ASIC2: variants seen among roughly 807,000 people sequenced by gnomAD.
ASIC2 encodes acid-sensing ion channel 2.
A neutral mutation model predicts 57.3 loss-of-function variants in ASIC2; 25 were observed. That is an observed-to-expected ratio of 0.44 (90% CI 0.32 to 0.61). The LOEUF is 0.61. Among genes scored for constraint, ASIC2 ranks in the 20% least tolerant of loss-of-function variants. ASIC2 has a pLI of 0.06. For missense variants in ASIC2, 641 were observed against 738.1 expected (o/e 0.87, Z 1.52); for synonymous variants, 319 against 307.5 (o/e 1.04, Z -0.39).
intron 1 of ASIC2, among the ~76,000 whole-genome samples, chr17:33,573,304 T>C (rs1312734804): frequency 1.3e-5 from 2 of 152,192 alleles, no homozygotes; most frequent in East Asian, 1.9e-4. Context: ...TATTTATAAG[T>C]ATATAAAATA....
intron 3 of ASIC2, among the ~76,000 whole-genome samples, chr17:33,058,092 T>C (rs1157638138): frequency 6.6e-6 from 1 of 152,138 alleles, no homozygotes; most frequent in East Asian, 1.9e-4. Flanking sequence ...GCCATGAAAG[T>C]CCCTGTACCA....
At chr17:33,625,087 G>A (rs1415122779) in intron 1 of ASIC2, among the ~76,000 whole-genome samples, 1 of 152,138 alleles carries the variant, frequency 6.6e-6, no homozygotes, top group African/African-American at 2.4e-5. Context: ...AAGGTGGTAT[G>A]CCATTCTGAG....
intron 1 of ASIC2, among the ~76,000 whole-genome samples, chr17:33,620,240 G>GAAA (rs35560840): frequency 0.026 from 1,958 of 74,732 alleles, 71 homozygotes; most frequent in African/African-American, 0.071. Context: ...AGAGGAAAAT[G>GAAA]AAAAAAAAAA....
chr17:33,775,555 TA>T lies in ASIC2; in HGVS notation c.555+380422del, dbSNP rs1241893287. ...TGAGATCTAAAATCTGTGTGGGAGT[TA>T]AGCAGGTATCTACAGCAGGGTCCCA... On this transcript the variant is annotated intron_variant, in intron 1 of 9. Transcript: ENST00000359872. 7.2e-5 allele frequency among the ~76,000 whole-genome samples: 11 copies of T among 152,294 alleles called. No homozygotes were observed. The South Asian group carries it at 1.9e-3, about 26-fold the overall frequency.
intron 1 of ASIC2, among the ~76,000 whole-genome samples, chr17:33,754,150 AG>A (rs1210279287): frequency 6.6e-6 from 1 of 152,064 alleles, no homozygotes; most frequent in Non-Finnish European, 1.5e-5. Flanking sequence ...TTTATGGGGT[AG>A]GTTGTCTGAA....
chr17:33,991,939 A>G (rs1482351416), intron 1 of ASIC2, among the ~76,000 whole-genome samples: 3 of 152,132 alleles, frequency 2.0e-5, no homozygotes, highest in African/African-American at 7.2e-5. Context: ...TCCTCATATT[A>G]GTATATTAAT....
intron 1 of ASIC2, among the ~76,000 whole-genome samples, chr17:34,102,353 T>A (rs1910897492): frequency 6.6e-6 from 1 of 151,684 alleles, no homozygotes; most frequent in Admixed American, 6.6e-5. Context: ...TAAATAAAAA[T>A]AAAATAAAAT....
At chr17:33,145,660 C>A (rs1002262511) in intron 1 of ASIC2, among the ~76,000 whole-genome samples, 2 of 152,202 alleles carry the variant, frequency 1.3e-5, no homozygotes, top group African/African-American at 4.8e-5. Flanking sequence ...TTTTTTGAAT[C>A]TCAATTTCTT....
chr17:33,804,636 C>A (rs572506357), intron 1 of ASIC2, among the ~76,000 whole-genome samples: 1 of 152,170 alleles, frequency 6.6e-6, no homozygotes, highest in Non-Finnish European at 1.5e-5. Context: ...TTGAACGATG[C>A]CTTTCATAGC....
intron 1 of ASIC2, among the ~76,000 whole-genome samples, chr17:34,102,304 T>G (rs992267085): frequency 6.6e-6 from 1 of 152,058 alleles, no homozygotes. Flanking sequence ...CACTCCAGCC[T>G]AGGTGACAGA....
intron 1 of ASIC2, among the ~76,000 whole-genome samples, chr17:33,159,340 A>T (rs1402867116): frequency 1.5e-5 from 2 of 137,534 alleles, no homozygotes; most frequent in East Asian, 4.4e-4. Context: ...CTTTCATGTT[A>T]TCTCTGAGTT....
chr17:33,701,580 G>C (rs1441654427), intron 1 of ASIC2, among the ~76,000 whole-genome samples: 4 of 152,176 alleles, frequency 2.6e-5, no homozygotes, highest in African/African-American at 9.7e-5. Flanking sequence ...CCCAGGGTCT[G>C]TCCTGGTTTG....
At chr17:33,466,415 C>A (rs992151436) in intron 1 of ASIC2, among the ~76,000 whole-genome samples, 1 of 152,092 alleles carries the variant, frequency 6.6e-6, no homozygotes, top group Admixed American at 6.6e-5. Flanking sequence ...GCCATACTGC[C>A]CAAGGTAATT....
chr17:33,836,577 G>A (rs776100680), intron 1 of ASIC2, among the ~76,000 whole-genome samples: 6 of 152,124 alleles, frequency 3.9e-5, no homozygotes, highest in East Asian at 1.9e-4. Flanking sequence ...GGTTTTGGCC[G>A]GGTGCAGTGG....
At chr17:33,718,328 G>T (rs978832810) in intron 1 of ASIC2, among the ~76,000 whole-genome samples, 5 of 152,122 alleles carry the variant, frequency 3.3e-5, no homozygotes, top group Non-Finnish European at 7.3e-5. Context: ...TTGAACCCGT[G>T]GATACAGAGG....
chr17:33,282,292 G>T (rs28670915), intron 1 of ASIC2, among the ~76,000 whole-genome samples: 2,533 of 152,220 alleles, frequency 0.017, 52 homozygotes, highest in African/African-American at 0.047. Flanking sequence ...ATCAAAGGCC[G>T]GCAAGGCTGT....
intron 3 of ASIC2, among the ~76,000 whole-genome samples, chr17:33,030,446 A>C (rs982667775): frequency 6.6e-6 from 1 of 152,154 alleles, no homozygotes; most frequent in Non-Finnish European, 1.5e-5. Flanking sequence ...TGCACGTATC[A>C]GTAGTTCATT....
chr17:33,569,738 G>GTCCA (rs1251719757), intron 1 of ASIC2, among the ~76,000 whole-genome samples: 3 of 151,466 alleles, frequency 2.0e-5, no homozygotes, highest in South Asian at 2.1e-4. Flanking sequence ...CTATCCATCC[G>GTCCA]TCCATCCATC....
chr17:33,461,751 C>G (rs927093013), intron 1 of ASIC2, among the ~76,000 whole-genome samples: 3 of 152,202 alleles, frequency 2.0e-5, no homozygotes, highest in South Asian at 2.1e-4. Flanking sequence ...CATTCTCTAC[C>G]CCTTCCACAT....
Sources: allele counts gnomAD v4.1 joint callset (sites outside exome capture counted in the v4.1 genomes callset), GRCh38; gene constraint gnomAD v4.1.1; transcripts MANE v1.5; gene names NCBI Gene and HGNC (gene_info 2026-07-23, HGNC 2026-07-21).